Variants in TIRAP observed in about 807,000 individuals in gnomAD.
TIRAP encodes toll/interleukin-1 receptor domain-containing adapter protein.
In TIRAP, 20 loss-of-function variants were observed where a neutral mutation model predicts 19.8. That is an observed-to-expected ratio of 1.01 (90% CI 0.71 to 1.47). The LOEUF (loss-of-function observed/expected upper bound fraction) is 1.47. Ranked by LOEUF, TIRAP falls within the 40% of genes most tolerant of loss-of-function variation. The pLI is 0.00. For synonymous variants in TIRAP, 125 were observed against 121.7 expected, an observed-to-expected ratio of 1.03 and a Z score of -0.18; for missense variants, 276 against 285.1, an observed-to-expected ratio of 0.97 and a Z score of 0.23.
In TIRAP at chr11:126,293,782, A is replaced by G; in HGVS notation, c.*95A>G. On this transcript the variant is annotated 3_prime_UTR_variant, in exon 5 of 5. Coordinates refer to ENST00000392679, the MANE Select transcript of TIRAP (RefSeq NM_001318777.2). Reference sequence around the variant, plus strand: ...GATTCCCACAAATGTGACAAGAGGTATAGGGAGTGAGTCACAGCGCTTTGC... The same window carrying G: ...GATTCCCACAAATGTGACAAGAGGTGTAGGGAGTGAGTCACAGCGCTTTGC... 7.1e-7 allele frequency: 1 copy of G among 1,418,228 alleles called. No individual in the cohort carries two copies. The highest frequency in any genetic ancestry group is 1.0e-6 in the Non-Finnish European group (1 of 1,001,702). The allele number at this position is 1,418,228 out of a possible 1,614,324, so 87.9% of individuals were successfully genotyped here. A position where few individuals can be genotyped will look rare whatever the true frequency, so the allele number is the denominator to read the frequency against.
rs143034071 is a variant in TIRAP, at chr11:126,290,973, C to A, written c.67+12C>A. 1.3e-6 allele frequency: 2 copies of A among 1,599,310 alleles called. No homozygotes were observed. Among genetic ancestry groups the A allele is most frequent in the Admixed American group, 1.7e-5 (1 of 58,220 alleles). The stretch of plus-strand genomic sequence containing the variant: ...AGGCAAGATGGCTGGTGAGTGGAAC[C>A]GGACTCGCGACTCTGCTGTGTTCCT... On this transcript the variant is annotated intron_variant, in intron 3 of 4. Coordinates refer to ENST00000392679, the MANE Select transcript of TIRAP (RefSeq NM_001318777.2). This position sits in a 1 kb window ranked among gnomAD's most constrained non-coding sequence, Gnocchi z 4.9.
In TIRAP at chr11:126,294,457, C is replaced by T. The variant is rs1202960507; in HGVS notation, c.*770C>T. ...GAATCCAGGGCTCAGGGTTCAATGC[C>T]TTCACCTGAGATCACAAGCCCATGG... On this transcript the variant is annotated 3_prime_UTR_variant, in exon 5 of 5. Transcript: ENST00000392679. 4.4e-6 allele frequency: 2 copies of T among 454,644 alleles called. No homozygotes were observed. The highest frequency in any genetic ancestry group is 4.7e-5 in the Admixed American group (2 of 42,290). 28.2% of individuals were successfully genotyped at this position (454,644 alleles called of 1,614,324 possible). A position where few individuals can be genotyped will look rare whatever the true frequency, so the allele number is the denominator to read the frequency against.
intron 1 of TIRAP, among the ~76,000 whole-genome samples, chr11:126,283,425 C>T (rs954565763): frequency 1.3e-5 from 2 of 152,272 alleles, no homozygotes; most frequent in African/African-American, 2.4e-5. Flanking sequence ...GGGGCGGCTC[C>T]CCTTTCGCTT....
In TIRAP at chr11:126,292,740, A is replaced by G; in HGVS notation, c.331A>G (p.Thr111Ala). ...CCTGGTCTCCTACTTGGAAGGCAGC[A>G]CTGCCAGCCTGCGCTGCTTCCTGCA... is the stretch of plus-strand genomic sequence containing the variant. ...QDLVSYLEGS[T>A]ASLRCFLQLR... is the part of the protein sequence containing the mutation. The change falls in exon 4 of 5, where the codon ACT becomes GCT. Residue 111 changes from threonine (T) to alanine (A), a missense_variant. Thr to Ala is a moderately conservative substitution (Grantham distance 58). Transcript: ENST00000392679. 1 of 1,613,342 alleles carries G rather than the reference A, an allele frequency of 6.2e-7. No homozygotes were observed. Among genetic ancestry groups the G allele is most frequent in the Non-Finnish European group, 8.5e-7 (1 of 1,179,764 alleles).
intron 1 of TIRAP, among the ~76,000 whole-genome samples, chr11:126,284,832 C>T (rs1219583464): frequency 1.4e-5 from 2 of 143,428 alleles, no homozygotes; most frequent in East Asian, 4.0e-4. Flanking sequence ...CCAGCCCGGG[C>T]GACAGAGGGA....
chr11:126,283,178 G>C, intron 1 of TIRAP, 25 bp downstream of exon 1: 1 of 979,022 alleles, frequency 1.0e-6, no homozygotes, highest in South Asian at 4.7e-5. Context: ...GGGTCGCGGG[G>C]GACCGGGAGG....
Position 126,294,597 on chromosome 11 carries a change from G to A in TIRAP, c.*910G>A. ...ACCATTTTTCTTCTGGCAGATGACT[G>A]TATTCCTTATAGGACAGGCAAGGTT... On this transcript the variant is annotated 3_prime_UTR_variant, in exon 5 of 5. Coordinates refer to ENST00000392679, the MANE Select transcript of TIRAP (RefSeq NM_001318777.2). 4.4e-6 allele frequency: 2 copies of A among 456,090 alleles called. No homozygotes were observed. The highest frequency in any genetic ancestry group is 8.8e-6 in the Non-Finnish European group (2 of 226,888). 28.3% of individuals were successfully genotyped at this position (456,090 alleles called of 1,614,324 possible). A position where few individuals can be genotyped will look rare whatever the true frequency, so the allele number is the denominator to read the frequency against.
At position 126,291,805 on chromosome 11, in the gene TIRAP, G is replaced by A. The variant is rs1307636109; in HGVS notation, c.68-672G>A. 2.0e-5 allele frequency among the ~76,000 whole-genome samples: 3 copies of A among 151,916 alleles called. No homozygotes were observed. Among genetic ancestry groups the A allele is most frequent in the Non-Finnish European group, 4.4e-5 (3 of 68,020 alleles). ...AACGTAGCTCTGCCTGCAGACTCCC[G>A]GTGGTTGACTAGTCAGCTCTAGTGG... On this transcript the variant is annotated intron_variant, in intron 3 of 4. Transcript: ENST00000392679. This position sits in a 1 kb window ranked among gnomAD's most constrained non-coding sequence, Gnocchi z 5.6.
At position 126,291,638 on chromosome 11, in the gene TIRAP, G is replaced by A. The variant is rs1018442607; in HGVS notation, c.67+677G>A. 10 of 416,724 alleles carry A rather than the reference G, an allele frequency of 2.4e-5. No individual in the cohort carries two copies. Among genetic ancestry groups the A allele is most frequent in the Admixed American group, 1.3e-4 (5 of 39,470 alleles). 25.8% of individuals were successfully genotyped at this position (416,724 alleles called of 1,614,324 possible). ...AGCAGTAGCCTCTTCCCCATTTAGCGACAATCTAGGATTTCTTGGGGCCAA... is the reference window on the plus strand; with the variant it reads ...AGCAGTAGCCTCTTCCCCATTTAGCAACAATCTAGGATTTCTTGGGGCCAA... On this transcript the variant is annotated intron_variant, in intron 3 of 4. Coordinates refer to ENST00000392679, the MANE Select transcript of TIRAP (RefSeq NM_001318777.2). The surrounding 1 kb of genome is among the most constrained non-coding windows in gnomAD (Gnocchi z 5.6).
intron 1 of TIRAP, among the ~76,000 whole-genome samples, chr11:126,286,443 A>T (rs911125487): frequency 6.6e-6 from 1 of 152,196 alleles, no homozygotes; most frequent in Non-Finnish European, 1.5e-5. Flanking sequence ...ACCATAGTCT[A>T]CAAACCTCTT....
chr11:126,283,351 G>T (rs1404099474), intron 1 of TIRAP, among the ~76,000 whole-genome samples, 198 bp downstream of exon 1: 1 of 152,154 alleles, frequency 6.6e-6, no homozygotes, highest in African/African-American at 2.4e-5. Flanking sequence ...CCCGCAACAC[G>T]CAAGCGGCAT....
rs8177400 is a variant in TIRAP, at chr11:126,292,695, G to T, written c.286G>T (p.Asp96Tyr). The T allele has an allele frequency of 5.0e-6, 8 of 1,613,864 alleles. No homozygotes were observed. Among genetic ancestry groups the T allele is most frequent in the Admixed American group, 3.3e-5 (2 of 59,988 alleles). Residue 96 changes from aspartate (D) to tyrosine (Y), a missense_variant, in exon 4 of 5, where the codon GAC becomes TAC. Transcript: ENST00000392679. ...CGTCTGCGTGTGCCACAGTGAGGAA[G>T]ACCTGGTGGCCGCCCAGGACCTGGT... Reference protein sequence around the residue: ...YDVCVCHSEEDLVAAQDLVSY... With the variant: ...YDVCVCHSEEYLVAAQDLVSY...
chr11:126,294,306 A>T lies in TIRAP; in HGVS notation c.*619A>T, dbSNP rs538912520. ...TTCACTTCAAAGAGCTGTAGGGAAGATGCAGTCAGCACTGCACTGTATTTT... is the reference window on the plus strand; with the variant it reads ...TTCACTTCAAAGAGCTGTAGGGAAGTTGCAGTCAGCACTGCACTGTATTTT... On this transcript the variant is annotated 3_prime_UTR_variant, in exon 5 of 5. Transcript: ENST00000392679. The T allele has an allele frequency of 3.2e-6, 1 of 311,024 alleles. No homozygotes were observed. The highest frequency in any genetic ancestry group is 6.4e-6 in the Non-Finnish European group (1 of 157,362). 19.3% of individuals were successfully genotyped at this position (311,024 alleles called of 1,614,324 possible).
Position 126,290,810 on chromosome 11 carries a change from G to A in TIRAP, c.-85G>A. ...TCTCTCTACCCTCTGTAGGATGGCTGCTCCATGAGGTCAAGACTGGGTCTC... is the reference window on the plus strand; with the variant it reads ...TCTCTCTACCCTCTGTAGGATGGCTACTCCATGAGGTCAAGACTGGGTCTC... On this transcript the variant is annotated 5_prime_UTR_variant, in exon 3 of 5. Coordinates refer to ENST00000392679, the MANE Select transcript of TIRAP (RefSeq NM_001318777.2). The surrounding 1 kb of genome is among the most constrained non-coding windows in gnomAD (Gnocchi z 4.9). 4 of 1,520,036 alleles carry A rather than the reference G, an allele frequency of 2.6e-6. No homozygotes were observed. The highest frequency in any genetic ancestry group is 2.6e-6 in the Non-Finnish European group (3 of 1,136,756). The allele number at this position is 1,520,036 out of a possible 1,614,324, so 94.2% of individuals were successfully genotyped here.
At position 126,292,493 on chromosome 11, in the gene TIRAP, C is replaced by A. The variant is rs557850258; in HGVS notation, c.84C>A (p.Thr28=). 1.1e-4 allele frequency: 184 copies of A among 1,613,818 alleles called. 1 individual carries two copies. The South Asian group carries it at 2.0e-3, about 17-fold the overall frequency. Residue 28 remains threonine, a synonymous_variant, in exon 4 of 5, where the codon ACC becomes ACA. Coordinates refer to ENST00000392679, the MANE Select transcript of TIRAP (RefSeq NM_001318777.2). ...LGKMADWFRQ[T]LLKKPKKRPN... is the part of the protein sequence containing the mutation. ...CCCCCACAGACTGGTTCAGGCAGAC[C>A]CTGCTGAAGAAGCCCAAGAAGAGGC...
Position 126,291,211 on chromosome 11 carries a change from G to A in TIRAP, c.67+250G>A, listed in dbSNP as rs1162812241. ...CAGGCCTGCTCAGCTAGCTTTCCTA[G>A]CCTGGAAACCACTGTGCTGAGTGCT... On this transcript the variant is annotated intron_variant, in intron 3 of 4. Transcript: ENST00000392679. The surrounding 1 kb of genome is among the most constrained non-coding windows in gnomAD (Gnocchi z 5.6). 1.8e-5 allele frequency: 11 copies of A among 607,352 alleles called. No homozygotes were observed. Among genetic ancestry groups the A allele is most frequent in the South Asian group, 1.8e-4 (9 of 49,784 alleles). The allele number at this position is 607,352 out of a possible 1,614,324, so 37.6% of individuals were successfully genotyped here.
intron 1 of TIRAP, among the ~76,000 whole-genome samples, chr11:126,286,487 A>G (rs1308538671): frequency 6.6e-6 from 1 of 152,262 alleles, no homozygotes; most frequent in Non-Finnish European, 1.5e-5. Flanking sequence ...CAAGCTATAA[A>G]TGAATTATAT....
intron 1 of TIRAP, among the ~76,000 whole-genome samples, chr11:126,285,229 A>G (rs1417990460): frequency 1.5e-5 from 1 of 65,040 alleles, no homozygotes. Flanking sequence ...TTTATTGGAT[A>G]TATGTGTGTG....
Position 126,293,822 on chromosome 11 carries a change from T to C in TIRAP, c.*135T>C, listed in dbSNP as rs749834825. 17 of 959,464 alleles carry C rather than the reference T, an allele frequency of 1.8e-5. 1 individual carries two copies. In the African/African-American group the frequency reaches 2.7e-4, roughly 15 times the overall value. The allele number at this position is 959,464 out of a possible 1,614,324, so 59.4% of individuals were successfully genotyped here. On this transcript the variant is annotated 3_prime_UTR_variant, in exon 5 of 5. Coordinates refer to ENST00000392679, the MANE Select transcript of TIRAP (RefSeq NM_001318777.2). The stretch of plus-strand genomic sequence containing the variant: ...CAGCGCTTTGCTCGTGACCCTGGGA[T>C]CAGAGCACCCATCAGGCTTCCATTA...
Sources: gnomAD v4.1 joint callset for allele counts (sites outside exome capture counted in the v4.1 genomes callset) on GRCh38, gnomAD v4.1.1 for gene constraint, Gnocchi (gnomAD v3.1) non-coding constraint, MANE v1.5 for transcripts, NCBI Gene and HGNC (gene_info 2026-07-23, HGNC 2026-07-21) for gene names.